The following SH3RF1 variants were observed in gnomAD, a reference collection of about 807,000 sequenced individuals.
SH3RF1 encodes the protein SH3 domain containing ring finger 1.
Under a neutral mutation model 74.0 loss-of-function variants are expected in SH3RF1, and 32 were observed. The ratio of observed to expected loss-of-function variants is 0.43; its 90% confidence interval spans 0.33 to 0.58. The LOEUF is 0.58. Among genes scored for constraint, SH3RF1 ranks in the 20% least tolerant of loss-of-function variants. The pLI is 0.05. For synonymous variants in SH3RF1, 396 were observed against 439.6 expected (o/e 0.90, Z 1.24); for missense variants, 954 against 1,130.9 (o/e 0.84, Z 2.24).
At chr4:169,118,974 AATG>A (rs1387723423) in intron 8 of SH3RF1, among the ~76,000 whole-genome samples, 5 of 152,230 alleles carry the variant, frequency 3.3e-5, no homozygotes, top group African/African-American at 7.2e-5. Flanking sequence ...AATTCATTTA[AATG>A]ATAACAATTC....
chr4:169,094,490 A>C lies in SH3RF1; in HGVS notation c.*2029T>G, dbSNP rs191877950. The C allele has an allele frequency of 7.9e-6, 1 of 126,830 alleles. No homozygotes were observed. The highest frequency in any genetic ancestry group is 1.9e-5 in the Non-Finnish European group (1 of 53,802). The allele number at this position is 126,830 out of a possible 1,614,324, so 7.9% of individuals were successfully genotyped here. A position where few individuals can be genotyped will look rare whatever the true frequency, so the allele number is the denominator to read the frequency against. ...TTAACCAACTTTATACCAGGAAACT[A>C]TGAACAGAGGTACTTCAATCACATA... On this transcript the variant is annotated 3_prime_UTR_variant, in exon 12 of 12. Transcript: ENST00000284637.
At chr4:169,123,514 G>A (rs2126947417) in intron 6 of SH3RF1, among the ~76,000 whole-genome samples, 1 of 152,314 alleles carries the variant, frequency 6.6e-6, no homozygotes, top group African/African-American at 2.4e-5. Context: ...GTGCAAACCA[G>A]GAGAAGGCAG....
rs1161346579 is a variant in SH3RF1 at position 169,116,314 on chromosome 4, T to C, written c.2094A>G (p.Ser698=). The C allele has an allele frequency of 1.2e-6, 2 of 1,613,700 alleles. No individual in the cohort carries two copies. The highest frequency in any genetic ancestry group is 1.7e-6 in the Non-Finnish European group (2 of 1,179,836). The change falls in exon 10 of 12, where the codon TCA becomes TCG. Residue 698 remains serine (S), a synonymous_variant. Coordinates refer to ENST00000284637, the MANE Select transcript of SH3RF1 (RefSeq NM_020870.4). ...GLPTSPDSAS[S]ACGNSSATKP... ...TGGTTGCTGAACTGTTCCCACAAGC[T>C]GATGAAGCACTGTCAGGAGATGTGG...
chr4:169,149,134 A>G (rs1733937159), intron 4 of SH3RF1, among the ~76,000 whole-genome samples: 1 of 152,198 alleles, frequency 6.6e-6, no homozygotes, highest in Non-Finnish European at 1.5e-5. Flanking sequence ...CGATCTTTAC[A>G]ATCTCAGCTC....
intron 9 of SH3RF1, 81 bp from the exon 10 acceptor site, chr4:169,116,711 C>T (rs1375390289): frequency 3.4e-6 from 5 of 1,463,722 alleles, no homozygotes; most frequent in Non-Finnish European, 4.5e-6. Flanking sequence ...CATTTCACTG[C>T]ATCAGACCAT....
chr4:169,163,102 G>GA (rs59698056), intron 2 of SH3RF1, among the ~76,000 whole-genome samples: 322 of 147,088 alleles, frequency 2.2e-3, no homozygotes, highest in African/African-American at 7.3e-3. Context: ...TAGAGGGAGA[G>GA]AAAAAAAAAA....
intron 2 of SH3RF1, among the ~76,000 whole-genome samples, chr4:169,261,582 C>A (rs1455060396): frequency 5.3e-5 from 8 of 150,608 alleles, no homozygotes. Context: ...GCACTCCAAC[C>A]TGGGCAGAAG....
chr4:169,113,832 T>C (rs1420319649), intron 10 of SH3RF1, among the ~76,000 whole-genome samples: 1 of 152,034 alleles, frequency 6.6e-6, no homozygotes, highest in Non-Finnish European at 1.5e-5. Flanking sequence ...ATATGAGGAA[T>C]AGGAAAAGAA....
intron 2 of SH3RF1, among the ~76,000 whole-genome samples, chr4:169,221,660 TA>T (rs1730565807): frequency 6.6e-6 from 1 of 152,218 alleles, no homozygotes; most frequent in Non-Finnish European, 1.5e-5. Flanking sequence ...CCTTGTAATC[TA>T]TAAAATAAAG....
At position 169,268,807 on chromosome 4, in the gene SH3RF1, G is replaced by A. The variant is rs1473620548; in HGVS notation, c.393+13C>T. 1 of 1,558,478 alleles carries A rather than the reference G, an allele frequency of 6.4e-7. No homozygotes were observed. The highest frequency in any genetic ancestry group is 8.6e-7 in the Non-Finnish European group (1 of 1,156,258). On this transcript the variant is annotated intron_variant, in intron 2 of 11. Coordinates refer to ENST00000284637, the MANE Select transcript of SH3RF1 (RefSeq NM_020870.4). The stretch of plus-strand genomic sequence containing the variant: ...CACCTTTATTCACCAAACTACCTCT[G>A]TAGGCTACTTACCCTCACTGGGGGG...
intron 2 of SH3RF1, 67 bp from the exon 3 acceptor site, chr4:169,156,746 CT>C: frequency 2.1e-6 from 3 of 1,436,600 alleles, no homozygotes; most frequent in Non-Finnish European, 2.8e-6. Context: ...GAAAATACAA[CT>C]GCGTTGTCAT....
At chr4:169,130,628 T>C (rs1206463689) in intron 5 of SH3RF1, among the ~76,000 whole-genome samples, 1 of 152,254 alleles carries the variant, frequency 6.6e-6, no homozygotes, top group Non-Finnish European at 1.5e-5. Flanking sequence ...TCATTTTTCA[T>C]GACTTCTACC....
At chr4:169,225,821 T>C (rs1730647102) in intron 2 of SH3RF1, among the ~76,000 whole-genome samples, 1 of 151,980 alleles carries the variant, frequency 6.6e-6, no homozygotes, top group Non-Finnish European at 1.5e-5. Flanking sequence ...AAGAGCAGAA[T>C]CCAGTGGAGA....
chr4:169,241,199 C>T (rs529035960), intron 2 of SH3RF1, among the ~76,000 whole-genome samples: 2 of 152,320 alleles, frequency 1.3e-5, no homozygotes, highest in Admixed American at 1.3e-4. Flanking sequence ...CACTGCACTC[C>T]AGCCTGGGCG....
At chr4:169,150,745 A>G (rs940965368) in intron 4 of SH3RF1, among the ~76,000 whole-genome samples, 16 of 152,318 alleles carry the variant, frequency 1.1e-4, no homozygotes, top group African/African-American at 3.8e-4. Context: ...GAGCATCCGC[A>G]GATTTGGAAA....
At chr4:169,259,646 T>C (rs1731245386) in intron 2 of SH3RF1, among the ~76,000 whole-genome samples, 1 of 152,202 alleles carries the variant, frequency 6.6e-6, no homozygotes, top group Non-Finnish European at 1.5e-5. Flanking sequence ...ATACATGTAC[T>C]CTTTATAATA....
chr4:169,181,812 G>A (rs1734516307), intron 2 of SH3RF1, among the ~76,000 whole-genome samples: 1 of 152,056 alleles, frequency 6.6e-6, no homozygotes, highest in African/African-American at 2.4e-5. Flanking sequence ...GTGGATACTG[G>A]CCTGACAAAA....
chr4:169,136,254 A>G (rs1733697233), intron 5 of SH3RF1, 64 bp downstream of exon 5: 1 of 1,353,302 alleles, frequency 7.4e-7, no homozygotes, highest in Non-Finnish European at 9.6e-7. Context: ...GTGAGCAAAC[A>G]TGTTTGTAAG....
rs778029246 is a variant in SH3RF1 at position 169,116,610 on chromosome 4, G to A, written c.1798C>T (p.Arg600Cys). 1.8e-5 allele frequency: 28 copies of A among 1,548,182 alleles called. No homozygotes were observed. Among genetic ancestry groups the A allele is most frequent in the Middle Eastern group, 2.0e-4 (1 of 5,080 alleles). The change falls in exon 10 of 12, where the codon CGC becomes TGC. Residue 600 changes from arginine to cysteine, a missense_variant. By Grantham distance (180) the Arg-to-Cys change is radical. This residue lies in a region of SH3RF1 where 854 missense variants were observed against 962.5 expected (regional missense o/e 0.89). Transcript: ENST00000284637. ...ATGGGTGTCACTGCTGCCGTGGGGC[G>A]TTCCTGGTTGTGCGCTGCAACTAGT... ...VRTVAAHNQE[R>C]PTAAVTPIQV...
Sources: gnomAD v4.1 joint callset for allele counts (sites outside exome capture counted in the v4.1 genomes callset) on GRCh38, gnomAD v4.1.1 for gene constraint, gnomAD v4.1.1 regional missense constraint, MANE v1.5 for transcripts, NCBI Gene and HGNC (gene_info 2026-07-23, HGNC 2026-07-21) for gene names.